The following EMG1 variants were observed in gnomAD, a reference collection of about 807,000 sequenced individuals.
EMG1 encodes the protein ribosomal RNA small subunit methyltransferase NEP1.
Under a neutral mutation model 26.9 loss-of-function variants are expected in EMG1, and 24 were observed. The ratio of observed to expected loss-of-function variants is 0.89; its 90% CI spans 0.65 to 1.26. The LOEUF (loss-of-function observed/expected upper bound fraction) is 1.26. EMG1 is among the 50% of genes most tolerant of loss of function. The pLI is 0.00. For synonymous variants in EMG1, 140 were observed against 112.6 expected, an observed-to-expected ratio of 1.24 and a Z score of -1.54; for missense variants, 299 against 307.6, an observed-to-expected ratio of 0.97 and a Z score of 0.21.
At chr12:6,980,762 G>C (rs1946462333), downstream of EMG1, 1 of 352,388 alleles carries the variant, frequency 2.8e-6, no homozygotes, top group Non-Finnish European at 5.1e-6. Flanking sequence ...GACTGGTTCA[G>C]GCAAAATCCT....
In EMG1 at chr12:6,974,444, A is replaced by C. The variant is rs1189447900; in HGVS notation, c.270+4A>C. Reference sequence around the variant, plus strand: ...GCGGCCAGATATCACCCACCAGGTAACTCCAGGGACAGTGCTCACAACCCT... The same window carrying C: ...GCGGCCAGATATCACCCACCAGGTACCTCCAGGGACAGTGCTCACAACCCT... On this transcript the variant is annotated splice_donor_region_variant and intron_variant, in intron 2 of 5. Coordinates refer to ENST00000599672, the MANE Select transcript of EMG1 (RefSeq NM_006331.8). The C allele has an allele frequency of 1.9e-6, 3 of 1,612,050 alleles. No homozygotes were observed. Among genetic ancestry groups the C allele is most frequent in the Non-Finnish European group, 2.5e-6 (3 of 1,178,420 alleles).
chr12:6,978,414 G>T lies in EMG1; in HGVS notation c.*2605G>T. 1 of 1,614,054 alleles carries T rather than the reference G, an allele frequency of 6.2e-7. No homozygotes were observed. The highest frequency in any genetic ancestry group is 8.5e-7 in the Non-Finnish European group (1 of 1,180,008). On this transcript the variant is annotated 3_prime_UTR_variant, in exon 6 of 6. Transcript: ENST00000599672. ...GTGAAGCGGGGGTTTGTTTCAAAGA[G>T]CCACACCTTCATGTTGGCACAGGCA... is the stretch of plus-strand genomic sequence containing the variant.
At chr12:6,984,369 A>T (rs1946501550), downstream of EMG1, among the ~76,000 whole-genome samples, 1 of 152,240 alleles carries the variant, frequency 6.6e-6, no homozygotes, top group Non-Finnish European at 1.5e-5. Flanking sequence ...TGGTATTCCT[A>T]AACTAAAATT....
In EMG1 at chr12:6,975,734, T is replaced by A; in HGVS notation, c.660T>A (p.Ser220Arg). 1 of 1,613,546 alleles carries A rather than the reference T, an allele frequency of 6.2e-7. No homozygotes were observed. The highest frequency in any genetic ancestry group is 1.1e-5 in the South Asian group (1 of 91,072). Reference protein sequence around the residue: ...VEYTEKMVSISNYPLSAALTC... With the variant: ...VEYTEKMVSIRNYPLSAALTC... ...ATACAGAGAAGATGGTGTCCATCAG[T>A]AACTACCCCCTTTCTGCTGCCCTCA... The change falls in exon 6 of 6, where the codon AGT (serine) becomes AGA (arginine). Residue 220 changes from serine (S) to arginine (R), a missense_variant. By Grantham distance (110) the Ser-to-Arg change is moderately radical. Coordinates refer to ENST00000599672, the MANE Select transcript of EMG1 (RefSeq NM_006331.8).
chr12:6,982,963 GTTATT>G (rs1555154329), downstream of EMG1: 10 of 669,598 alleles, frequency 1.5e-5, no homozygotes, highest in Non-Finnish European at 2.2e-5. Flanking sequence ...TTATTAGGGT[GTTATT>G]TTATTTCTTT....
intron 7 of EMG1, among the ~76,000 whole-genome samples, chr12:6,994,265 T>C (rs1377088553): frequency 1.3e-5 from 2 of 152,200 alleles, no homozygotes; most frequent in Non-Finnish European, 2.9e-5. Context: ...TGAAGTGCAG[T>C]GGCATGATCT....
downstream of EMG1, chr12:6,982,980 C>G (rs1270901039): frequency 2.4e-5 from 16 of 655,128 alleles, no homozygotes; most frequent in Admixed American, 4.4e-5. Context: ...TATTTCTTTT[C>G]TTTTTTTGTT....
rs1555153699 is a variant in EMG1, at chr12:6,978,987, T to C, written c.*3178T>C. 29 of 378,994 alleles carry C rather than the reference T, an allele frequency of 7.7e-5. No homozygotes were observed. The highest frequency in any genetic ancestry group is 4.8e-6 in the Non-Finnish European group (1 of 209,252). The allele number at this position is 378,994 out of a possible 1,614,324, so 23.5% of individuals were successfully genotyped here. A position where few individuals can be genotyped will look rare whatever the true frequency, so the allele number is the denominator to read the frequency against. ...TGGAATGAGCATTTGGAATGTTAAG[T>C]ACAGAGGGGCCCATATTGGATTTTA... On this transcript the variant is annotated 3_prime_UTR_variant, in exon 6 of 6. Coordinates refer to ENST00000599672, the MANE Select transcript of EMG1 (RefSeq NM_006331.8).
At chr12:6,988,901 C>T (rs1348533070), downstream of EMG1, among the ~76,000 whole-genome samples, 2 of 151,988 alleles carry the variant, frequency 1.3e-5, no homozygotes, top group Non-Finnish European at 2.9e-5. Context: ...CCGAGGCAGG[C>T]GGATCACCTG....
In EMG1 at chr12:6,986,916, C is replaced by T. The variant is rs183683866; in HGVS notation, c.*155-866C>T. 1.9e-3 allele frequency among the ~76,000 whole-genome samples: 287 copies of T among 151,540 alleles called. 2 individuals are homozygous for T. In the South Asian group the frequency reaches 0.031, roughly 16 times the overall value. On this transcript the variant is annotated intron_variant and NMD_transcript_variant, in intron 6 of 7. Coordinates refer to the EMG1 transcript ENST00000261406. The stretch of plus-strand genomic sequence containing the variant: ...GTCGCCTGAGATCAGGAGTTTGAGA[C>T]GAGCCTGGCCAACATGGTGAAACCC...
In EMG1 at chr12:6,970,922, A is replaced by G. The variant is rs1264797194; in HGVS notation, c.-2A>G. The G allele has an allele frequency of 2.5e-6, 4 of 1,612,090 alleles. No homozygotes were observed. The highest frequency in any genetic ancestry group is 3.4e-6 in the Non-Finnish European group (4 of 1,179,090). Reference sequence around the variant, plus strand: ...TAGCGCAACTTCCGGTATTGTTGCAAGATGGCCGCGCCCAGTGATGGATTC... The same window carrying G: ...TAGCGCAACTTCCGGTATTGTTGCAGGATGGCCGCGCCCAGTGATGGATTC... On this transcript the variant is annotated 5_prime_UTR_variant, in exon 1 of 6. Coordinates refer to ENST00000599672, the MANE Select transcript of EMG1 (RefSeq NM_006331.8).
rs1206918529 is a variant in EMG1, at chr12:6,976,247, C to T, written c.*438C>T. Reference sequence around the variant, plus strand: ...CAGTTCCAAGGTAGAAAAAGTGGAGCAGGCAGGGCCTTGCACCCCTCTCCA... The same window carrying T: ...CAGTTCCAAGGTAGAAAAAGTGGAGTAGGCAGGGCCTTGCACCCCTCTCCA... On this transcript the variant is annotated 3_prime_UTR_variant, in exon 6 of 6. Coordinates refer to ENST00000599672, the MANE Select transcript of EMG1 (RefSeq NM_006331.8). 3 of 156,630 alleles carry T rather than the reference C, an allele frequency of 1.9e-5. No homozygotes were observed. Among genetic ancestry groups the T allele is most frequent in the African/African-American group, 7.2e-5 (3 of 41,480 alleles). The allele number at this position is 156,630 out of a possible 1,614,324, so 9.7% of individuals were successfully genotyped here.
At chr12:6,974,509 C>G (rs1946370024) in intron 2 of EMG1, 43 bp from the exon 3 acceptor site, 2 of 1,608,936 alleles carry the variant, frequency 1.2e-6, no homozygotes, top group Non-Finnish European at 1.7e-6. Flanking sequence ...TGAGTGCTGC[C>G]TCTCTTCAGC....
At chr12:6,994,683 G>A (rs1555155859) in intron 7 of EMG1, among the ~76,000 whole-genome samples, 1 of 152,216 alleles carries the variant, frequency 6.6e-6, no homozygotes, top group Non-Finnish European at 1.5e-5. Context: ...TCGAACTCCT[G>A]AGCTCAAGCA....
downstream of EMG1, among the ~76,000 whole-genome samples, chr12:6,984,322 AG>A (rs1190191496): frequency 2.6e-5 from 4 of 152,244 alleles, no homozygotes; most frequent in Non-Finnish European, 4.4e-5. Flanking sequence ...TACATGGCCA[AG>A]GGTTGCTTAT....
intron 6 of EMG1, among the ~76,000 whole-genome samples, chr12:6,985,091 A>T (rs1356138040): frequency 2.4e-3 from 4 of 1,670 alleles, no homozygotes; most frequent in Admixed American, 6.0e-3. Flanking sequence ...CCATACATTA[A>T]AAAAAAAAAA....
downstream of EMG1, chr12:6,982,014 C>T: frequency 4.5e-6 from 3 of 669,008 alleles, no homozygotes; most frequent in Non-Finnish European, 5.3e-6. Context: ...TCATTAAAAG[C>T]CTTAATAAAT....
chr12:6,972,907 GGTT>G (rs148668518), intron 1 of EMG1, among the ~76,000 whole-genome samples: 1 of 151,978 alleles, frequency 6.6e-6, no homozygotes, highest in East Asian at 1.9e-4. Context: ...GTGGTGTGAT[GGTT>G]CACTGCAGCC....
chr12:6,971,468 G>T (rs1015710282), intron 1 of EMG1, among the ~76,000 whole-genome samples: 26 of 152,086 alleles, frequency 1.7e-4, no homozygotes, highest in Non-Finnish European at 2.6e-4. Flanking sequence ...TTCAGATGGG[G>T]TTTCACCATG....
Sources: allele counts gnomAD v4.1 joint callset (sites outside exome capture counted in the v4.1 genomes callset), GRCh38; gene constraint gnomAD v4.1.1; transcripts MANE v1.5; gene names NCBI Gene and HGNC (gene_info 2026-07-23, HGNC 2026-07-21).